The following FLNB variants were observed in gnomAD, a reference collection of about 807,000 sequenced individuals.
FLNB encodes the protein filamin B, also known as filamin-B.
Under a neutral mutation model 250.6 loss-of-function variants are expected in FLNB, and 111 were observed. The observed-to-expected ratio is 0.44, with a 90% CI of 0.38 to 0.52. FLNB has a LOEUF of 0.52. Among genes scored for constraint, FLNB ranks in the 20% least tolerant of loss-of-function variants. The pLI, the probability that FLNB is intolerant of heterozygous loss-of-function variation, is 0.00. For missense variants in FLNB, 2,869 were observed against 3,447.8 expected, an observed-to-expected ratio of 0.83 and a Z score of 4.20; for synonymous variants, 1,302 against 1,372.1, an observed-to-expected ratio of 0.95 and a Z score of 1.13.
At chr3:58,074,011 C>T (rs1204160200) in intron 1 of FLNB, among the ~76,000 whole-genome samples, 1 of 152,188 alleles carries the variant, frequency 6.6e-6, no homozygotes, top group African/African-American at 2.4e-5. Context: ...GTAATATGGT[C>T]ATGGGAGTAA....
chr3:58,037,384 C>T (rs140644795), intron 1 of FLNB, among the ~76,000 whole-genome samples: 2 of 152,314 alleles, frequency 1.3e-5, no homozygotes, highest in African/African-American at 4.8e-5. Flanking sequence ...GTCATTTTAG[C>T]CTGCAATGCA....
intron 29 of FLNB, 31 bp downstream of exon 29, chr3:58,138,560 GT>G (rs2097320566): frequency 6.2e-7 from 1 of 1,613,672 alleles, no homozygotes; most frequent in African/African-American, 1.3e-5. Context: ...CGAGCATGCT[GT>G]TATTGGTGGA....
intron 4 of FLNB, among the ~76,000 whole-genome samples, chr3:58,090,564 G>A (rs999508202): frequency 9.2e-5 from 14 of 152,130 alleles, no homozygotes; most frequent in African/African-American, 3.1e-4. Flanking sequence ...AATGCGATGC[G>A]TTACTGTGAC....
rs2097235555 is a variant in FLNB, at chr3:58,094,936, A to G, written c.888A>G (p.Pro296=). 6.2e-7 allele frequency: 1 copy of G among 1,613,906 alleles called. No homozygotes were observed. Among genetic ancestry groups the G allele is most frequent in the Non-Finnish European group, 8.5e-7 (1 of 1,179,756 alleles). ...QGDVMVFVED[P]EGNKEEAQVT... ...ACGTGATGGTGTTTGTTGAGGACCCAGAAGGGAACAAAGAGGAGGTATGTT... is the reference window on the plus strand; with the variant it reads ...ACGTGATGGTGTTTGTTGAGGACCCGGAAGGGAACAAAGAGGAGGTATGTT... The change falls in exon 5 of 46, where the codon CCA becomes CCG. Residue 296 remains proline, a synonymous_variant. Transcript: ENST00000295956.
intron 29 of FLNB, 42 bp from the exon 30 acceptor site, chr3:58,141,816 T>C (rs2097327592): frequency 6.4e-7 from 1 of 1,557,154 alleles, no homozygotes; most frequent in Non-Finnish European, 8.9e-7. Context: ...AGTGTATCCT[T>C]CCAGTATGGT....
At chr3:58,116,459 A>G (rs2107147193) in intron 18 of FLNB, among the ~76,000 whole-genome samples, 1 of 152,278 alleles carries the variant, frequency 6.6e-6, no homozygotes, top group South Asian at 2.1e-4. Flanking sequence ...TGAGTAACCC[A>G]GGTCCCTGAT....
intron 1 of FLNB, among the ~76,000 whole-genome samples, chr3:58,051,635 C>G (rs540318075): frequency 1.8e-4 from 28 of 151,920 alleles, no homozygotes; most frequent in South Asian, 8.3e-4. Flanking sequence ...CAGCCCCACT[C>G]CCCAAGAGAT....
At chr3:58,063,414 C>T (rs147160614) in intron 1 of FLNB, among the ~76,000 whole-genome samples, 1 of 152,144 alleles carries the variant, frequency 6.6e-6, no homozygotes, top group African/African-American at 2.4e-5. Flanking sequence ...TGGAGGCCTC[C>T]TCACATAATT....
chr3:58,046,942 C>T (rs959182965), intron 1 of FLNB, among the ~76,000 whole-genome samples: 5 of 152,162 alleles, frequency 3.3e-5, no homozygotes, highest in African/African-American at 1.2e-4. Context: ...CAAGGTTCAG[C>T]CATGTTATGT....
Position 58,123,317 on chromosome 3 carries a change from C to T in FLNB, c.3351C>T (p.His1117=), listed in dbSNP as rs748805296. Residue 1117 remains histidine (H), a synonymous_variant, in exon 21 of 46, where the codon CAC becomes CAT. Transcript: ENST00000295956. ...TCAACATCCTCTTTGAAGAAGTCCACATACCTGGGTCTCCCTTCAAAGCTG... is the reference window on the plus strand; with the variant it reads ...TCAACATCCTCTTTGAAGAAGTCCATATACCTGGGTCTCCCTTCAAAGCTG... ...YFVNILFEEV[H]IPGSPFKADI... 15 of 1,614,072 alleles carry T rather than the reference C, an allele frequency of 9.3e-6. No homozygotes were observed. The highest frequency in any genetic ancestry group is 5.5e-5 in the South Asian group (5 of 91,092).
intron 1 of FLNB, among the ~76,000 whole-genome samples, chr3:58,021,069 C>T (rs1279325255): frequency 6.6e-6 from 1 of 152,192 alleles, no homozygotes; most frequent in East Asian, 1.9e-4. Context: ...TACCACACTT[C>T]TTGTGCGTAT....
chr3:58,140,844 A>T (rs890947024), intron 29 of FLNB, among the ~76,000 whole-genome samples: 1 of 152,194 alleles, frequency 6.6e-6, no homozygotes, highest in African/African-American at 2.4e-5. Flanking sequence ...ACCTCCAGTG[A>T]TCCACCTGCC....
At chr3:58,111,904 T>C in intron 17 of FLNB, 23 bp downstream of exon 17, 1 of 1,596,176 alleles carries the variant, frequency 6.3e-7, no homozygotes, top group East Asian at 2.2e-5. Flanking sequence ...GTCTAGGTTG[T>C]CCTGGGCCCC....
chr3:58,030,947 A>C (rs894691224), intron 1 of FLNB, among the ~76,000 whole-genome samples: 1 of 152,172 alleles, frequency 6.6e-6, no homozygotes, highest in Admixed American at 6.6e-5. Context: ...GTATCCACAA[A>C]AGTTAAAAAT....
At chr3:58,044,640 C>A (rs1483912187) in intron 1 of FLNB, among the ~76,000 whole-genome samples, 1 of 151,920 alleles carries the variant, frequency 6.6e-6, no homozygotes, top group Non-Finnish European at 1.5e-5. Flanking sequence ...GTAAAAAATT[C>A]AAATAAATAA....
chr3:58,094,373 A>G (rs2097234075), intron 4 of FLNB, among the ~76,000 whole-genome samples: 1 of 152,222 alleles, frequency 6.6e-6, no homozygotes, highest in Non-Finnish European at 1.5e-5. Flanking sequence ...CAGCAAGGGC[A>G]TTGTTTCTTA....
Position 58,008,612 on chromosome 3 carries a change from G to C in FLNB, c.48G>C (p.Lys16Asn). The C allele has an allele frequency of 6.2e-7, 1 of 1,613,018 alleles. No individual in the cohort carries two copies. Residue 16 changes from lysine to asparagine, a missense_variant, in exon 1 of 46, where the codon AAG (lysine) becomes AAC (asparagine). By Grantham distance (94) the Lys-to-Asn change is moderately conservative. Transcript: ENST00000295956. ...TAGCTGAGGACGCGCCTTGGAAGAA[G>C]ATCCAGCAGAACACGTTCACACGCT... Reference protein sequence around the residue: ...KDLAEDAPWKKIQQNTFTRWC... With the variant: ...KDLAEDAPWKNIQQNTFTRWC...
chr3:58,163,043 A>G, intron 42 of FLNB, 111 bp from the exon 43 acceptor site: 1 of 1,070,508 alleles, frequency 9.3e-7, no homozygotes, highest in Non-Finnish European at 1.4e-6. Flanking sequence ...TCCCTGTAGA[A>G]CTGTTGATTT....
intron 18 of FLNB, among the ~76,000 whole-genome samples, chr3:58,116,611 A>G (rs911960445): frequency 5.3e-5 from 8 of 152,178 alleles, no homozygotes; most frequent in Admixed American, 4.6e-4. Flanking sequence ...TTGAGGATGC[A>G]AAAGTAGAGC....
Sources: allele counts gnomAD v4.1 joint callset (sites outside exome capture counted in the v4.1 genomes callset), GRCh38; gene constraint gnomAD v4.1.1; transcripts MANE v1.5; gene names NCBI Gene and HGNC (gene_info 2026-07-23, HGNC 2026-07-21).